Variants in WDPCP observed in about 807,000 individuals in gnomAD.
WDPCP encodes WD repeat containing planar cell polarity effector, also known as WD repeat-containing and planar cell polarity effector protein fritz homolog.
In WDPCP, 71 loss-of-function variants were observed where a neutral mutation model predicts 93.1. The ratio of observed to expected loss-of-function variants is 0.76; its 90% confidence interval spans 0.63 to 0.93. The LOEUF is 0.93. Among genes scored for constraint, WDPCP ranks in the 40% least tolerant of loss-of-function variants. WDPCP has a pLI of 0.00. For synonymous variants in WDPCP, 315 were observed against 315.0 expected, an observed-to-expected ratio of 1.00 and a Z score of 0.00; for missense variants, 844 against 887.4, an observed-to-expected ratio of 0.95 and a Z score of 0.62.
At chr2:63,728,651 G>A (rs897739925) in intron 2 of WDPCP, among the ~76,000 whole-genome samples, 2 of 152,138 alleles carry the variant, frequency 1.3e-5, no homozygotes, top group Admixed American at 6.5e-5. Context: ...AAGGTTAAGT[G>A]ATAACTTGCA....
intron 12 of WDPCP, among the ~76,000 whole-genome samples, chr2:63,332,866 C>T (rs1313958176): frequency 6.6e-6 from 1 of 152,152 alleles, no homozygotes; most frequent in Non-Finnish European, 1.5e-5. Flanking sequence ...ACCTTAGCTT[C>T]CCAAAGCACT....
intron 1 of WDPCP, chr2:63,813,793 T>G (rs1670892003): frequency 6.6e-6 from 1 of 152,202 alleles, no homozygotes; most frequent in Admixed American, 6.5e-5. Context: ...CCATTCCTTA[T>G]TCTCTCTCCA....
At chr2:63,162,475 C>G (rs1455355231) in intron 15 of WDPCP, among the ~76,000 whole-genome samples, 2 of 151,946 alleles carry the variant, frequency 1.3e-5, no homozygotes, top group African/African-American at 4.8e-5. Context: ...GTTTGTATTG[C>G]TGTGTTGGGT....
intron 12 of WDPCP, among the ~76,000 whole-genome samples, chr2:63,363,745 T>TG (rs1028455712): frequency 6.6e-6 from 1 of 151,952 alleles, no homozygotes; most frequent in African/African-American, 2.4e-5. Flanking sequence ...AATATATTTT[T>TG]TTAACTACTT....
intron 3 of WDPCP, among the ~76,000 whole-genome samples, chr2:63,616,723 G>A (rs1457013040): frequency 1.3e-5 from 2 of 151,920 alleles, no homozygotes; most frequent in East Asian, 1.9e-4. Context: ...AGCAACCCAC[G>A]TGGAGAAGAA....
intron 2 of WDPCP, among the ~76,000 whole-genome samples, chr2:63,798,204 G>T (rs1670643255): frequency 1.3e-5 from 2 of 152,080 alleles, no homozygotes; most frequent in Non-Finnish European, 2.9e-5. Flanking sequence ...AGAAAACAAT[G>T]TCAATGAGTA....
At chr2:63,414,750 T>A (rs150663380) in intron 9 of WDPCP, among the ~76,000 whole-genome samples, 1 of 152,132 alleles carries the variant, frequency 6.6e-6, no homozygotes, top group Non-Finnish European at 1.5e-5. Context: ...GGAGAAGCGA[T>A]AAAAGACTAC....
chr2:63,434,289 GT>G (rs1696984110), intron 8 of WDPCP, among the ~76,000 whole-genome samples: 1 of 152,138 alleles, frequency 6.6e-6, no homozygotes, highest in Non-Finnish European at 1.5e-5. Flanking sequence ...GACAAGTTCA[GT>G]ACTGCTGACC....
At chr2:63,406,874 G>A (rs1694630879) in intron 9 of WDPCP, among the ~76,000 whole-genome samples, 1 of 152,068 alleles carries the variant, frequency 6.6e-6, no homozygotes, top group Non-Finnish European at 1.5e-5. Context: ...ATGGCTTCAG[G>A]GGAGAAAGGT....
At chr2:63,670,127 G>A (rs868754458) in intron 2 of WDPCP, among the ~76,000 whole-genome samples, 4 of 152,092 alleles carry the variant, frequency 2.6e-5, no homozygotes, top group African/African-American at 4.8e-5. Flanking sequence ...AATCTGTAAC[G>A]TTGATAAAAT....
intron 14 of WDPCP, chr2:63,229,290 T>A (rs1478873826): frequency 6.6e-6 from 1 of 152,234 alleles, no homozygotes; most frequent in Non-Finnish European, 1.5e-5. Context: ...GTTTGTTTTT[T>A]TCTTGTAAAT....
intron 3 of WDPCP, among the ~76,000 whole-genome samples, chr2:63,620,616 C>T (rs999898521): frequency 6.6e-6 from 1 of 152,228 alleles, no homozygotes; most frequent in African/African-American, 2.4e-5. Flanking sequence ...TTTAAACGTT[C>T]CTGTCTGCCA....
intron 1 of WDPCP, among the ~76,000 whole-genome samples, chr2:63,565,394 T>C (rs887874047): frequency 1.2e-4 from 18 of 152,300 alleles, no homozygotes; most frequent in South Asian, 2.1e-4. Context: ...GCTGGAGATA[T>C]ACACCTTGAA....
At chr2:63,538,633 C>T (rs1704489127) in intron 1 of WDPCP, among the ~76,000 whole-genome samples, 1 of 152,060 alleles carries the variant, frequency 6.6e-6, no homozygotes, top group African/African-American at 2.4e-5. Flanking sequence ...TTCTTTATAG[C>T]TTAATATCAA....
At chr2:63,501,906 G>A (rs183388228) in intron 1 of WDPCP, among the ~76,000 whole-genome samples, 14 of 152,170 alleles carry the variant, frequency 9.2e-5, no homozygotes, top group Admixed American at 3.9e-4. Flanking sequence ...GTGAGCCACC[G>A]TGCCTGACTG....
intron 2 of WDPCP, 149 bp downstream of exon 2, chr2:63,492,707 G>A (rs1575520581): frequency 2.9e-6 from 2 of 681,116 alleles, no homozygotes; most frequent in South Asian, 3.9e-5. Flanking sequence ...TAATTAAAAG[G>A]AATTATTTTC....
intron 14 of WDPCP, among the ~76,000 whole-genome samples, chr2:63,212,615 C>A (rs1308186204): frequency 6.6e-6 from 1 of 152,092 alleles, no homozygotes; most frequent in Non-Finnish European, 1.5e-5. Flanking sequence ...TCACACATAA[C>A]AATATTAACC....
intron 2 of WDPCP, among the ~76,000 whole-genome samples, chr2:63,708,165 G>A (rs1440091654): frequency 4.6e-5 from 7 of 152,230 alleles, no homozygotes; most frequent in African/African-American, 1.7e-4. Context: ...GTCAGACAGG[G>A]ACATTTAAGT....
At chr2:63,614,380 C>T (rs563762828) in intron 3 of WDPCP, among the ~76,000 whole-genome samples, 2 of 152,326 alleles carry the variant, frequency 1.3e-5, no homozygotes, top group East Asian at 3.9e-4. Context: ...AACTTTCCCT[C>T]CACTCCTATG....
Sources: allele counts gnomAD v4.1 joint callset (sites outside exome capture counted in the v4.1 genomes callset), GRCh38; gene constraint gnomAD v4.1.1; transcripts MANE v1.5; gene names NCBI Gene and HGNC (gene_info 2026-07-23, HGNC 2026-07-21).